The following PDZRN3 variants were observed in gnomAD, a reference collection of about 807,000 sequenced individuals.
The protein encoded by PDZRN3 is PDZ domain containing ring finger 3, also known as E3 ubiquitin-protein ligase PDZRN3.
PDZRN3 carries 38 observed loss-of-function variants against 85.7 expected under a neutral mutation model. The ratio of observed to expected loss-of-function variants is 0.44; its 90% CI spans 0.34 to 0.58. The LOEUF is 0.58. PDZRN3 is among the 20% of genes least tolerant of loss of function. PDZRN3 has a pLI of 0.01. For missense variants in PDZRN3, 1,629 were observed against 1,506.4 expected, an observed-to-expected ratio of 1.08 and a Z score of -1.35; for synonymous variants, 759 against 638.0, an observed-to-expected ratio of 1.19 and a Z score of -2.86.
At chr3:73,404,520 A>C (rs943378890) in intron 3 of PDZRN3, 125 bp from the exon 4 acceptor site, 23 of 1,012,566 alleles carry the variant, frequency 2.3e-5, no homozygotes, top group African/African-American at 3.2e-5. Flanking sequence ...GGTGTCAGAG[A>C]ACTTCAGTTC....
intron 3 of PDZRN3, among the ~76,000 whole-genome samples, chr3:73,583,845 G>A (rs1257596071): frequency 6.6e-6 from 1 of 152,042 alleles, no homozygotes; most frequent in Admixed American, 6.6e-5. Flanking sequence ...AAACCTACTA[G>A]GCAACCCTAA....
intron 8 of PDZRN3, among the ~76,000 whole-genome samples, chr3:73,387,138 G>T (rs1225722329): frequency 2.0e-5 from 3 of 152,154 alleles, no homozygotes; most frequent in African/African-American, 4.8e-5. Flanking sequence ...TGATTGTGAG[G>T]CCTCCCCAGC....
At chr3:73,511,663 G>A (rs1379630969) in intron 3 of PDZRN3, among the ~76,000 whole-genome samples, 1 of 152,190 alleles carries the variant, frequency 6.6e-6, no homozygotes, top group Non-Finnish European at 1.5e-5. Context: ...CGTCCACCAC[G>A]CCAGCAGACA....
intron 3 of PDZRN3, among the ~76,000 whole-genome samples, chr3:73,481,401 T>C (rs1703557875): frequency 6.6e-6 from 1 of 152,006 alleles, no homozygotes; most frequent in East Asian, 1.9e-4. Context: ...TGGAGTGCAA[T>C]GGTGTGATCT....
intron 3 of PDZRN3, among the ~76,000 whole-genome samples, chr3:73,511,659 C>T (rs1473121208): frequency 6.6e-6 from 1 of 152,336 alleles, no homozygotes; most frequent in East Asian, 1.9e-4. Context: ...GTACCGTCCA[C>T]CACGCCAGCA....
chr3:73,565,786 A>AACACAAACACACACAC (rs1196865835), intron 3 of PDZRN3, among the ~76,000 whole-genome samples: 3 of 37,914 alleles, frequency 7.9e-5, no homozygotes, highest in African/African-American at 1.4e-4. Context: ...AAAAATACAA[A>AACACAAACACACACAC]ACACACACAC....
chr3:73,431,472 C>T (rs183917110), intron 3 of PDZRN3, among the ~76,000 whole-genome samples: 9 of 152,288 alleles, frequency 5.9e-5, no homozygotes, highest in African/African-American at 1.4e-4. Flanking sequence ...CCAGACGCAC[C>T]GGACCTTCTG....
At position 73,456,934 on chromosome 3, in the gene PDZRN3, A is replaced by AG. The variant is rs1006426708; in HGVS notation, c.919-52540dup. Among the ~76,000 whole-genome samples, 13 of 146,624 alleles carry AG rather than the reference A, an allele frequency of 8.9e-5. No homozygotes were observed. The South Asian group carries it at 1.3e-3, about 14-fold the overall frequency. ...AGGATGGTCTCTCCAGAAGGGGAGT[A>AG]GGGGGAAAAAAAAAACACCTGGTAC... On this transcript the variant is annotated intron_variant, in intron 3 of 9. Transcript: ENST00000263666.
chr3:73,616,752 A>C (rs1288089888), intron 1 of PDZRN3, among the ~76,000 whole-genome samples: 1 of 152,222 alleles, frequency 6.6e-6, no homozygotes, highest in Non-Finnish European at 1.5e-5. Context: ...GCTTGATAAG[A>C]CTTACTGTGC....
At chr3:73,622,575 T>A (rs901903622) in intron 1 of PDZRN3, among the ~76,000 whole-genome samples, 1 of 152,094 alleles carries the variant, frequency 6.6e-6, no homozygotes, top group African/African-American at 2.4e-5. Flanking sequence ...TTGACAATAT[T>A]TGGATTGTCA....
At chr3:73,414,452 T>C (rs1401676485) in intron 3 of PDZRN3, among the ~76,000 whole-genome samples, 1 of 152,218 alleles carries the variant, frequency 6.6e-6, no homozygotes, top group Non-Finnish European at 1.5e-5. Context: ...TGTTTTGTTT[T>C]CTATCCAAAG....
intron 3 of PDZRN3, among the ~76,000 whole-genome samples, chr3:73,548,983 A>C (rs565282245): frequency 6.6e-6 from 1 of 152,348 alleles, no homozygotes; most frequent in Admixed American, 6.5e-5. Flanking sequence ...CAAGGCACAA[A>C]GCTGGTTGTT....
intron 3 of PDZRN3, among the ~76,000 whole-genome samples, chr3:73,555,467 A>G (rs13323904): frequency 0.011 from 1,611 of 152,246 alleles, 24 homozygotes; most frequent in African/African-American, 0.037. Context: ...AAAGAATCCA[A>G]CTCTCTGAAG....
chr3:73,596,043 G>A (rs151006110), intron 3 of PDZRN3, among the ~76,000 whole-genome samples: 2 of 152,226 alleles, frequency 1.3e-5, no homozygotes, highest in East Asian at 3.9e-4. Flanking sequence ...TGTCAGAAGT[G>A]GAGCAAGGAC....
At chr3:73,428,230 C>T (rs930259866) in intron 3 of PDZRN3, among the ~76,000 whole-genome samples, 1 of 151,912 alleles carries the variant, frequency 6.6e-6, no homozygotes, top group African/African-American at 2.4e-5. Context: ...TGGGTGAGCA[C>T]CTCGGTTCTC....
chr3:73,428,323 C>T (rs1702360052), intron 3 of PDZRN3, among the ~76,000 whole-genome samples: 1 of 152,202 alleles, frequency 6.6e-6, no homozygotes, highest in Non-Finnish European at 1.5e-5. Context: ...ACATCCTCAC[C>T]TCCTTGGTCC....
intron 1 of PDZRN3, among the ~76,000 whole-genome samples, chr3:73,611,344 C>T (rs995815249): frequency 6.6e-6 from 1 of 152,206 alleles, no homozygotes; most frequent in Non-Finnish European, 1.5e-5. Context: ...AGATCTCTCC[C>T]AAGGGACAAT....
At chr3:73,436,456 AG>A (rs1397564099) in intron 3 of PDZRN3, among the ~76,000 whole-genome samples, 1 of 152,212 alleles carries the variant, frequency 6.6e-6, no homozygotes, top group Admixed American at 6.5e-5. Context: ...CCACAAAAAA[AG>A]GCTTGCAATC....
chr3:73,594,518 G>A (rs1426144704), intron 3 of PDZRN3, among the ~76,000 whole-genome samples: 2 of 152,136 alleles, frequency 1.3e-5, no homozygotes, highest in Non-Finnish European at 2.9e-5. Flanking sequence ...ATGACAGGTA[G>A]GAAAGACAAG....
Sources: gnomAD v4.1 joint callset for allele counts (sites outside exome capture counted in the v4.1 genomes callset) on GRCh38, gnomAD v4.1.1 for gene constraint, MANE v1.5 for transcripts, NCBI Gene and HGNC (gene_info 2026-07-23, HGNC 2026-07-21) for gene names.